The following FKBP5 variants were observed in gnomAD, a reference collection of about 807,000 sequenced individuals.
FKBP5 encodes the protein peptidyl-prolyl cis-trans isomerase FKBP5.
A neutral mutation model predicts 50.5 loss-of-function variants in FKBP5; 23 were observed. The observed-to-expected ratio is 0.46, with a 90% CI of 0.33 to 0.65. FKBP5 has a LOEUF of 0.65. Ranked by LOEUF, FKBP5 falls within the 30% of genes least tolerant of loss-of-function variation. The pLI is 0.02. For synonymous variants in FKBP5, 176 were observed against 190.6 expected (o/e 0.92, Z 0.63); for missense variants, 411 against 553.1 (o/e 0.74, Z 2.58).
At chr6:35,584,201 A>G (rs1359458840) in intron 8 of FKBP5, 3 of 985,294 alleles carry the variant, frequency 3.0e-6, no homozygotes, top group Non-Finnish European at 2.4e-6. Context: ...CCTGTACTTA[A>G]TAATTATTTT....
chr6:35,621,897 T>C (rs1423053515), intron 3 of FKBP5, among the ~76,000 whole-genome samples: 1 of 151,820 alleles, frequency 6.6e-6, no homozygotes, highest in Non-Finnish European at 1.5e-5. Context: ...GAGGACTACT[T>C]GAGTCCAGGA....
At chr6:35,601,682 A>G (rs1210146607) in intron 5 of FKBP5, among the ~76,000 whole-genome samples, 1 of 152,206 alleles carries the variant, frequency 6.6e-6, no homozygotes, top group Non-Finnish European at 1.5e-5. Context: ...ATAAATATTT[A>G]ATAATAACCA....
intron 8 of FKBP5, chr6:35,586,767 G>C: frequency 7.3e-7 from 1 of 1,364,646 alleles, no homozygotes; most frequent in Non-Finnish European, 9.5e-7. Flanking sequence ...GTGATACTGT[G>C]GTGGGTGGGG....
intron 1 of FKBP5, among the ~76,000 whole-genome samples, chr6:35,680,082 A>G (rs1765627312): frequency 6.6e-6 from 1 of 152,016 alleles, no homozygotes; most frequent in Non-Finnish European, 1.5e-5. Flanking sequence ...CTACTCGACT[A>G]TATGACCAAA....
chr6:35,581,102 C>A, intron 8 of FKBP5: 1 of 964,374 alleles, frequency 1.0e-6, no homozygotes, highest in Non-Finnish European at 1.2e-6. Flanking sequence ...CTTACAAAAA[C>A]AGGCAGGGAC....
chr6:35,601,622 C>T (rs1042320636), intron 5 of FKBP5, among the ~76,000 whole-genome samples: 3 of 152,294 alleles, frequency 2.0e-5, no homozygotes, highest in African/African-American at 7.2e-5. Flanking sequence ...GCTGTGGAAG[C>T]CCTGTGGTTG....
chr6:35,580,930 C>G (rs1762409836), intron 8 of FKBP5: 1 of 985,248 alleles, frequency 1.0e-6, no homozygotes, highest in Non-Finnish European at 1.2e-6. Context: ...TTCAGCACTT[C>G]ACAGCAAATA....
intron 1 of FKBP5, among the ~76,000 whole-genome samples, chr6:35,656,353 T>C (rs1440592847): frequency 1.3e-5 from 2 of 152,350 alleles, no homozygotes; most frequent in East Asian, 3.9e-4. Flanking sequence ...ACTAGAATCA[T>C]ATCTAAGGTT....
At chr6:35,707,358 A>C (rs1194761588) in intron 2 of FKBP5, among the ~76,000 whole-genome samples, 1 of 151,514 alleles carries the variant, frequency 6.6e-6, no homozygotes, top group Non-Finnish European at 1.5e-5. Context: ...CTGGGATTAC[A>C]GGCATGCACC....
At chr6:35,669,629 C>T (rs998238403) in intron 1 of FKBP5, among the ~76,000 whole-genome samples, 1 of 152,116 alleles carries the variant, frequency 6.6e-6, no homozygotes, top group Admixed American at 6.6e-5. Flanking sequence ...CCACTTTTGA[C>T]AACAGTGGAC....
chr6:35,589,128 A>ATATATATATATATT (rs1427010607), intron 7 of FKBP5, among the ~76,000 whole-genome samples: 11 of 121,542 alleles, frequency 9.1e-5, no homozygotes, highest in African/African-American at 3.5e-4. Context: ...ATATATATAT[A>ATATATATATATATT]TTTTTTTTTT....
chr6:35,686,991 C>A (rs1158169059), intron 1 of FKBP5, among the ~76,000 whole-genome samples: 1 of 152,080 alleles, frequency 6.6e-6, no homozygotes, highest in East Asian at 1.9e-4. Flanking sequence ...AAAATAGTCA[C>A]AATTATTGGT....
intron 2 of FKBP5, among the ~76,000 whole-genome samples, chr6:35,713,388 C>T (rs1480761924): frequency 1.3e-5 from 2 of 152,214 alleles, no homozygotes; most frequent in Admixed American, 6.5e-5. Context: ...CTAATGTCTA[C>T]TAGGCACTTA....
At position 35,575,897 on chromosome 6, in the gene FKBP5, T is replaced by TG; in HGVS notation, c.1311dup (p.Thr438HisfsTer2). The stretch of plus-strand genomic sequence containing the variant: ...TGACTGTCTGTTCCTTTTTCATTAG[T>TG]GACCCCTTCTGAAGTCTTCTTGCCC... On this transcript the variant is annotated frameshift_variant, in exon 11 of 11. Coordinates refer to ENST00000357266, the MANE Select transcript of FKBP5 (RefSeq NM_004117.4). LOFTEE classifies it low-confidence loss of function (END_TRUNC). 1 of 1,614,106 alleles carries TG rather than the reference T, an allele frequency of 6.2e-7. No individual in the cohort carries two copies. The highest frequency in any genetic ancestry group is 8.5e-7 in the Non-Finnish European group (1 of 1,179,946).
intron 2 of FKBP5, among the ~76,000 whole-genome samples, chr6:35,696,144 C>CAAAA (rs60390656): frequency 4.0e-4 from 26 of 64,456 alleles, no homozygotes; most frequent in Non-Finnish European, 5.8e-4. Context: ...GACTCTGTCT[C>CAAAA]AAAAAAAAAA....
chr6:35,645,251 T>C (rs1177548479), intron 1 of FKBP5, among the ~76,000 whole-genome samples: 1 of 152,174 alleles, frequency 6.6e-6, no homozygotes, highest in Admixed American at 6.5e-5. Context: ...ACCATTGGCC[T>C]ACACTCCTGA....
upstream of FKBP5, among the ~76,000 whole-genome samples, chr6:35,690,679 T>C (rs980633782): frequency 6.6e-6 from 1 of 152,150 alleles, no homozygotes; most frequent in Non-Finnish European, 1.5e-5. Context: ...TGCATACTAA[T>C]ACCAATTGAT....
At chr6:35,591,441 C>T (rs1762816801) in intron 6 of FKBP5, among the ~76,000 whole-genome samples, 1 of 152,168 alleles carries the variant, frequency 6.6e-6, no homozygotes, top group Non-Finnish European at 1.5e-5. Flanking sequence ...TTCTCCTTCA[C>T]ATTCACATGT....
intron 1 of FKBP5, among the ~76,000 whole-genome samples, chr6:35,650,344 G>T (rs1050355743): frequency 4.0e-5 from 6 of 149,672 alleles, no homozygotes; most frequent in Non-Finnish European, 8.9e-5. Flanking sequence ...TGTAGTAAAT[G>T]AAGTGTATTG....
Sources: gnomAD v4.1 joint callset for allele counts (sites outside exome capture counted in the v4.1 genomes callset) on GRCh38, gnomAD v4.1.1 for gene constraint, MANE v1.5 for transcripts, NCBI Gene and HGNC (gene_info 2026-07-23, HGNC 2026-07-21) for gene names.